SLC22A24: variants seen among roughly 807,000 people sequenced by gnomAD.
SLC22A24 encodes steroid transmembrane transporter SLC22A24.
A neutral mutation model predicts 49.8 loss-of-function variants in SLC22A24; 53 were observed. The ratio of observed to expected loss-of-function variants is 1.06; its 90% confidence interval spans 0.85 to 1.34. SLC22A24 has a LOEUF of 1.34. Ranked by LOEUF, SLC22A24 falls within the 40% of genes most tolerant of loss-of-function variation. The pLI is 0.00. For synonymous variants in SLC22A24, 302 were observed against 256.4 expected (o/e 1.18, Z -1.70); for missense variants, 786 against 675.9 (o/e 1.16, Z -1.81).
At chr11:63,095,964 A>T in intron 6 of SLC22A24, 27 bp downstream of exon 6, 1 of 1,457,572 alleles carries the variant, frequency 6.9e-7, no homozygotes, top group Non-Finnish European at 9.4e-7. Flanking sequence ...AATATTTTAA[A>T]GTGAATCATC....
At chr11:63,110,280 A>G (rs1476478196) in intron 4 of SLC22A24, among the ~76,000 whole-genome samples, 1 of 152,084 alleles carries the variant, frequency 6.6e-6, no homozygotes, top group Non-Finnish European at 1.5e-5. Context: ...GTCAGGTAGC[A>G]TGATGCCTCT....
At chr11:63,091,018 A>G (rs1000839059) in intron 6 of SLC22A24, among the ~76,000 whole-genome samples, 4 of 152,208 alleles carry the variant, frequency 2.6e-5, no homozygotes, top group African/African-American at 9.6e-5. Flanking sequence ...AAAGATTAAC[A>G]AAATAGATGG....
intron 2 of SLC22A24, among the ~76,000 whole-genome samples, chr11:63,119,544 C>G (rs1236872141): frequency 6.6e-6 from 1 of 152,124 alleles, no homozygotes. Context: ...TGTCAAAGCT[C>G]TCACCAAACC....
intron 1 of SLC22A24, among the ~76,000 whole-genome samples, chr11:63,138,846 C>T (rs1003357398): frequency 1.4e-5 from 2 of 145,828 alleles, no homozygotes; most frequent in African/African-American, 5.6e-5. Flanking sequence ...AGGTTTTTTC[C>T]CCCCCATGGA....
intron 4 of SLC22A24, among the ~76,000 whole-genome samples, chr11:63,106,197 C>T (rs2087120811): frequency 6.7e-6 from 1 of 150,318 alleles, no homozygotes; most frequent in South Asian, 2.1e-4. Flanking sequence ...TTTTTTTGTC[C>T]TTGCGATAGT....
chr11:63,087,024 G>GCACACACACACA lies in SLC22A24; in HGVS notation c.1071-3579_1071-3568dup, dbSNP rs1555045310. On this transcript the variant is annotated intron_variant, in intron 6 of 9. Coordinates refer to ENST00000612278, the MANE Select transcript of SLC22A24 (RefSeq NM_001136506.2). The stretch of plus-strand genomic sequence containing the variant: ...AATTAAGCTTTTCTGCCTGGAGGGC[G>GCACACACACACA]CACACACACACACACACACACACAC... Among the ~76,000 whole-genome samples, 805 of 132,586 alleles carry GCACACACACACA rather than the reference G, an allele frequency of 6.1e-3. 5 individuals carry two copies. The highest frequency in any genetic ancestry group is 0.02 in the East Asian group (89 of 4,436). The allele number at this position is 132,586 out of a possible 152,430, so 87.0% of individuals were successfully genotyped here. A position where few individuals can be genotyped will look rare whatever the true frequency, so the allele number is the denominator to read the frequency against.
intron 5 of SLC22A24, among the ~76,000 whole-genome samples, chr11:63,098,879 C>T (rs1467642985): frequency 2.0e-5 from 3 of 151,418 alleles, no homozygotes; most frequent in African/African-American, 7.3e-5. Context: ...AACTTCTAGG[C>T]TAAGAAAAAA....
At chr11:63,133,351 C>G (rs550728864) in intron 2 of SLC22A24, among the ~76,000 whole-genome samples, 3 of 152,168 alleles carry the variant, frequency 2.0e-5, no homozygotes, top group Admixed American at 2.0e-4. Flanking sequence ...TGAGATGAAC[C>G]AGGTACCTCA....
At chr11:63,122,771 C>A (rs966494166) in intron 2 of SLC22A24, among the ~76,000 whole-genome samples, 8 of 152,148 alleles carry the variant, frequency 5.3e-5, no homozygotes, top group African/African-American at 1.9e-4. Context: ...CCGCTAGCCT[C>A]GGCCTCCCAA....
intron 5 of SLC22A24, among the ~76,000 whole-genome samples, chr11:63,101,208 A>G (rs1333505219): frequency 6.6e-6 from 1 of 152,088 alleles, no homozygotes; most frequent in East Asian, 1.9e-4. Context: ...ACACAGTTGG[A>G]GGGAATGTAA....
At chr11:63,122,209 A>T (rs1173058523) in intron 2 of SLC22A24, among the ~76,000 whole-genome samples, 1 of 152,132 alleles carries the variant, frequency 6.6e-6, no homozygotes, top group Non-Finnish European at 1.5e-5. Context: ...ATTTACTTGG[A>T]TGTGGCAAGT....
chr11:63,112,499 G>T (rs2087173455), intron 4 of SLC22A24, among the ~76,000 whole-genome samples: 1 of 152,046 alleles, frequency 6.6e-6, no homozygotes, highest in Non-Finnish European at 1.5e-5. Flanking sequence ...CTCTTTGTAG[G>T]TCTTCTTTCT....
chr11:63,135,797 A>T (rs1319608428), intron 1 of SLC22A24, among the ~76,000 whole-genome samples: 4 of 152,242 alleles, frequency 2.6e-5, no homozygotes, highest in African/African-American at 9.6e-5. Flanking sequence ...TCAACAATGC[A>T]TTTGACCCAG....
intron 2 of SLC22A24, among the ~76,000 whole-genome samples, chr11:63,125,340 A>G (rs2087282570): frequency 6.6e-6 from 1 of 152,054 alleles, no homozygotes; most frequent in African/African-American, 2.4e-5. Context: ...CTGGTATGTG[A>G]TGTTCCCCTC....
At chr11:63,091,091 G>A (rs2087017833) in intron 6 of SLC22A24, among the ~76,000 whole-genome samples, 1 of 152,028 alleles carries the variant, frequency 6.6e-6, no homozygotes, top group South Asian at 2.1e-4. Context: ...TGATCCCACA[G>A]AAGTACAAAC....
intron 5 of SLC22A24, among the ~76,000 whole-genome samples, chr11:63,102,878 A>G (rs2087099625): frequency 6.6e-6 from 1 of 152,086 alleles, no homozygotes; most frequent in East Asian, 1.9e-4. Flanking sequence ...TTGATCAGGA[A>G]TATCTGCAGT....
intron 4 of SLC22A24, among the ~76,000 whole-genome samples, chr11:63,113,886 G>C (rs6591750): frequency 6.7e-6 from 1 of 149,710 alleles, no homozygotes; most frequent in African/African-American, 2.5e-5. Flanking sequence ...TGTTGAATAT[G>C]GGCCCCCTCT....
rs2086960306 is a variant in SLC22A24 at position 63,081,573 on chromosome 11, A to G, written c.1379T>C (p.Val460Ala). The G allele has an allele frequency of 6.5e-7, 1 of 1,549,828 alleles. No homozygotes were observed. The change falls in exon 8 of 10, where the codon GTC becomes GCC. Residue 460 changes from valine (V) to alanine (A), a missense_variant. By Grantham distance (64) the Val-to-Ala change is moderately conservative. Transcript: ENST00000612278. Reference sequence around the variant, plus strand: ...GCTCTTGTACCTCAATATGGTGGGGACGAGCTCGTTGTGGTGGACAGAAGC... The same window carrying G: ...GCTCTTGTACCTCAATATGGTGGGGGCGAGCTCGTTGTGGTGGACAGAAGC... ...NSASVHHNEL[V>A]PTILRSTVAG...
chr11:63,142,180 A>G (rs558733511), intron 1 of SLC22A24, among the ~76,000 whole-genome samples: 39 of 152,342 alleles, frequency 2.6e-4, no homozygotes, highest in African/African-American at 9.1e-4. Context: ...CCAGGCCTGC[A>G]TGAATACACT....
Sources: allele counts gnomAD v4.1 joint callset (sites outside exome capture counted in the v4.1 genomes callset), GRCh38; gene constraint gnomAD v4.1.1; transcripts MANE v1.5; gene names NCBI Gene and HGNC (gene_info 2026-07-23, HGNC 2026-07-21).